GSN: variants seen among roughly 807,000 people sequenced by gnomAD.
The protein encoded by GSN is actin-depolymerizing factor.
Under a neutral mutation model 85.7 loss-of-function variants are expected in GSN, and 56 were observed. The ratio of observed to expected loss-of-function variants is 0.65; its 90% CI spans 0.53 to 0.82. GSN has a LOEUF of 0.82. Ranked by LOEUF, GSN falls within the 40% of genes least tolerant of loss-of-function variation. The pLI, the probability that GSN is intolerant of heterozygous loss-of-function variation, is 0.00. For synonymous variants in GSN, 373 were observed against 399.1 expected (o/e 0.93, Z 0.78); for missense variants, 857 against 979.8 (o/e 0.87, Z 1.67).
At position 121,317,098 on chromosome 9, in the gene GSN, G is replaced by T; in HGVS notation, c.766G>T (p.Ala256Ser). The change falls in exon 8 of 18, where the codon GCA (alanine) becomes TCA (serine). Residue 256 changes from alanine to serine, a missense_variant. By Grantham distance (99) the Ala-to-Ser change is moderately conservative. Coordinates refer to ENST00000432226, the MANE Select transcript of GSN (RefSeq NM_198252.3). ...LAKLYKVSNG[A>S]GTMSVSLVAD... ...TTCGTCCCCTCAGGTCTCCAATGGT[G>T]CAGGGACCATGTCCGTCTCCCTCGT... 1.2e-6 allele frequency: 2 copies of T among 1,614,208 alleles called. No individual in the cohort carries two copies. The highest frequency in any genetic ancestry group is 2.2e-5 in the South Asian group (2 of 91,090).
Position 121,299,611 on chromosome 9 carries a change from C to T in GSN, c.-9-2352C>T, listed in dbSNP as rs1352782993. On this transcript the variant is annotated intron_variant, in intron 2 of 17. Coordinates refer to ENST00000432226, the MANE Select transcript of GSN (RefSeq NM_198252.3). The surrounding 1 kb of genome is among the most constrained non-coding windows in gnomAD (Gnocchi z 4.2). Reference sequence around the variant, plus strand: ...CGTGCCTGCGCCCATTTAGTGTGCACACAGCTAGCGCCCGCCGTATGTCAG... The same window carrying T: ...CGTGCCTGCGCCCATTTAGTGTGCATACAGCTAGCGCCCGCCGTATGTCAG... The T allele has an allele frequency of 1.9e-6, 1 of 513,578 alleles. No individual in the cohort carries two copies. Among genetic ancestry groups the T allele is most frequent in the Middle Eastern group, 9.5e-4 (1 of 1,050 alleles). 31.8% of individuals were successfully genotyped at this position (513,578 alleles called of 1,614,324 possible).
At chr9:121,251,335 C>T (rs915553488) in intron 6 of GSN, among the ~76,000 whole-genome samples, 3 of 151,510 alleles carry the variant, frequency 2.0e-5, no homozygotes, top group Admixed American at 2.0e-4. Context: ...GCACCTGTCA[C>T]CATACTTGGC....
intron 3 of GSN, 44 bp downstream of exon 3, chr9:121,302,211 A>G: frequency 6.2e-7 from 1 of 1,604,336 alleles, no homozygotes; most frequent in Non-Finnish European, 8.5e-7. Context: ...CCCCATTCTG[A>G]ACAGTGCAGA....
rs1430477776 is a variant in GSN, at chr9:121,254,141, T to C, written c.-341+5818T>C. 2.0e-5 allele frequency among the ~76,000 whole-genome samples: 3 copies of C among 152,226 alleles called. No individual in the cohort carries two copies. In the East Asian group the frequency reaches 5.8e-4, roughly 29 times the overall value. On this transcript the variant is annotated intron_variant, in intron 6 of 24. Transcript: ENST00000373823. ...AAGCCAAAAAAGAAAAAAGATCATT[T>C]CCTTTTCCTTAAGCGGTCAGGAGCG... is the stretch of plus-strand genomic sequence containing the variant.
chr9:121,213,904 C>T lies in GSN; in HGVS notation c.-528+3037C>T, dbSNP rs2054010677. Among the ~76,000 whole-genome samples, 2 of 152,170 alleles carry T rather than the reference C, an allele frequency of 1.3e-5. 1 individual carries two copies. Among genetic ancestry groups the T allele is most frequent in the Non-Finnish European group, 2.9e-5 (2 of 68,028 alleles). On this transcript the variant is annotated intron_variant, in intron 4 of 24. Coordinates refer to the GSN transcript ENST00000373823. ...ATGAATGAATGAAAAGATTAAAAGC[C>T]CTTTCAACCGACGAGCTCGTACCTT...
At chr9:121,209,536 T>C (rs1433461297) in intron 2 of GSN, 1 of 152,198 alleles carries the variant, frequency 6.6e-6, no homozygotes, top group Non-Finnish European at 1.5e-5. Flanking sequence ...AACACTGTAA[T>C]TGGATTTCAG....
At position 121,261,800 on chromosome 9, in the gene GSN, T is replaced by C. The variant is rs2055091904; in HGVS notation, c.-340-3354T>C. On this transcript the variant is annotated intron_variant, in intron 6 of 24. Transcript: ENST00000373823. The surrounding 1 kb of genome is among the most constrained non-coding windows in gnomAD (Gnocchi z 4.1). ...CACCAGCCACTGTTGACAGAGCCCT[T>C]TATATGCCTGAGGCCTTGACACAGA... Among the ~76,000 whole-genome samples the C allele has an allele frequency of 6.6e-6, 1 of 152,160 alleles. No individual in the cohort carries two copies. Among genetic ancestry groups the C allele is most frequent in the African/African-American group, 2.4e-5 (1 of 41,434 alleles).
At chr9:121,285,996 C>T in intron 2 of GSN, 1 of 815,398 alleles carries the variant, frequency 1.2e-6, no homozygotes, top group Non-Finnish European at 2.0e-6. Flanking sequence ...AGGAGAAGAA[C>T]CATTTCCGGA....
intron 4 of GSN, among the ~76,000 whole-genome samples, chr9:121,305,784 T>G (rs944624656): frequency 6.6e-6 from 1 of 152,250 alleles, no homozygotes; most frequent in Non-Finnish European, 1.5e-5. Flanking sequence ...TGGTCTTGTT[T>G]ACCACCTTCT....
chr9:121,208,594 C>T (rs906750446), intron 1 of GSN, among the ~76,000 whole-genome samples: 1 of 152,206 alleles, frequency 6.6e-6, no homozygotes, highest in Non-Finnish European at 1.5e-5. Flanking sequence ...CTCCAGCTAA[C>T]ACCAGGAGAG....
chr9:121,287,260 G>GGCGGAGGGA (rs2132766210), intron 2 of GSN, among the ~76,000 whole-genome samples: 1 of 152,314 alleles, frequency 6.6e-6, no homozygotes, highest in Admixed American at 6.5e-5. Flanking sequence ...GTGGGAGGGA[G>GGCGGAGGGA]GCGGAGGGAA....
At chr9:121,276,097 G>A (rs1454524421) in intron 1 of GSN, among the ~76,000 whole-genome samples, 1 of 152,222 alleles carries the variant, frequency 6.6e-6, no homozygotes, top group East Asian at 1.9e-4. Context: ...AGTGTGAGAA[G>A]CATTGCATTG....
At chr9:121,254,761 A>G (rs925038367) in intron 6 of GSN, among the ~76,000 whole-genome samples, 1 of 152,160 alleles carries the variant, frequency 6.6e-6, no homozygotes, top group Non-Finnish European at 1.5e-5. Flanking sequence ...AATAGCTAAT[A>G]CATATATCTA....
rs2059550847 is a variant in GSN at position 121,299,515 on chromosome 9, G to A, written c.-9-2448G>A. The A allele has an allele frequency of 1.0e-6, 1 of 975,698 alleles. No homozygotes were observed. The highest frequency in any genetic ancestry group is 1.8e-5 in the African/African-American group (1 of 57,080). The allele number at this position is 975,698 out of a possible 1,614,324, so 60.4% of individuals were successfully genotyped here. ...GTTAGTTCATGTTATTTTTTTGCTG[G>A]AGGTGTTAGGTGCGGAGAGGCGAGG... On this transcript the variant is annotated intron_variant, in intron 2 of 17. Coordinates refer to ENST00000432226, the MANE Select transcript of GSN (RefSeq NM_198252.3). This position sits in a 1 kb window ranked among gnomAD's most constrained non-coding sequence, Gnocchi z 4.2.
intron 10 of GSN, among the ~76,000 whole-genome samples, chr9:121,319,607 G>A (rs1470440320): frequency 6.6e-6 from 1 of 151,840 alleles, no homozygotes; most frequent in Non-Finnish European, 1.5e-5. Flanking sequence ...ACAGGCATGA[G>A]CCACTGCGCC....
Position 121,326,601 on chromosome 9 carries a change from C to T in GSN, c.1506C>T (p.Arg502=), listed in dbSNP as rs199681748. Residue 502 remains arginine, a synonymous_variant, in exon 13 of 18, where the codon CGC becomes CGT. Transcript: ENST00000432226. Reference sequence around the variant, plus strand: ...TCATCTACAAGGGCGGCACCTCCCGCGAGGGCGGGCAGACAGCCCCTGCCA... The same window carrying T: ...TCATCTACAAGGGCGGCACCTCCCGTGAGGGCGGGCAGACAGCCCCTGCCA... ...PMIIYKGGTS[R]EGGQTAPAST... is the part of the protein sequence containing the mutation. 1.4e-5 allele frequency: 23 copies of T among 1,610,140 alleles called. No individual in the cohort carries two copies. The highest frequency in any genetic ancestry group is 1.7e-5 in the Non-Finnish European group (20 of 1,177,978).
In GSN at chr9:121,237,552, AAAAC is replaced by A. The variant is rs894604128; in HGVS notation, c.-389+6265_-389+6268del. ...AGCGACAGAGCAAGACTCTGCCTCAAAAACAAACAAACAAACAAAACCAACCAAC... is the reference window on the plus strand; with the variant it reads ...AGCGACAGAGCAAGACTCTGCCTCAAAAACAAACAAACAAAACCAACCAAC... On this transcript the variant is annotated intron_variant, in intron 5 of 24. Coordinates refer to the GSN transcript ENST00000373823. 5.9e-5 allele frequency among the ~76,000 whole-genome samples: 9 copies of A among 152,284 alleles called. No individual in the cohort carries two copies. The South Asian group carries it at 1.0e-3, about 18-fold the overall frequency.
rs373229223 is a variant in GSN, at chr9:121,302,915, T to A, written c.201T>A (p.Asn67Lys). Residue 67 changes from asparagine to lysine, a missense_variant, in exon 4 of 18, where the codon AAT becomes AAA. Coordinates refer to ENST00000432226, the MANE Select transcript of GSN (RefSeq NM_198252.3). The part of the protein sequence containing the change: ...LQYDLHYWLG[N>K]ECSQDESGAA... ...TATTGCTCTGATGTCCCGTAGGCAATGAGTGCAGCCAGGATGAGAGCGGGG... is the reference window on the plus strand; with the variant it reads ...TATTGCTCTGATGTCCCGTAGGCAAAGAGTGCAGCCAGGATGAGAGCGGGG... 8.7e-6 allele frequency: 14 copies of A among 1,613,620 alleles called. No individual in the cohort carries two copies. The highest frequency in any genetic ancestry group is 1.1e-5 in the Non-Finnish European group (13 of 1,180,004).
intron 4 of GSN, among the ~76,000 whole-genome samples, chr9:121,212,004 A>G (rs999946375): frequency 6.6e-6 from 1 of 152,116 alleles, no homozygotes; most frequent in African/African-American, 2.4e-5. Flanking sequence ...TCATTCATCA[A>G]TGACTAATGA....
Sources: allele counts gnomAD v4.1 joint callset (sites outside exome capture counted in the v4.1 genomes callset), GRCh38; gene constraint gnomAD v4.1.1; non-coding constraint Gnocchi (gnomAD v3.1); transcripts MANE v1.5; gene names NCBI Gene and HGNC (gene_info 2026-07-23, HGNC 2026-07-21).